The following ZMIZ1 variants were observed in gnomAD, a reference collection of about 807,000 sequenced individuals.
ZMIZ1 encodes the protein zinc finger MIZ-type containing 1.
In ZMIZ1, 17 loss-of-function variants were observed where a neutral mutation model predicts 113.9. The observed-to-expected ratio is 0.15, with a 90% CI of 0.10 to 0.22. The LOEUF is 0.22. ZMIZ1 is among the 10% of genes least tolerant of loss of function. ZMIZ1 has a pLI of 1.00. For synonymous variants in ZMIZ1, 607 were observed against 603.1 expected (o/e 1.01, Z -0.09); for missense variants, 1,059 against 1,477.8 (o/e 0.72, Z 4.65).
chr10:79,164,077 A>G (rs1033788574), intron 4 of ZMIZ1, among the ~76,000 whole-genome samples: 20 of 152,326 alleles, frequency 1.3e-4, no homozygotes, highest in African/African-American at 4.3e-4. Context: ...AAAAGAAAAG[A>G]AAACCACTCT....
At chr10:79,108,381 T>C (rs756591622) in intron 1 of ZMIZ1, among the ~76,000 whole-genome samples, 11 of 152,188 alleles carry the variant, frequency 7.2e-5, no homozygotes, top group Non-Finnish European at 1.5e-4. Flanking sequence ...GCAGTGTTAC[T>C]GTCTGGGAAT....
intron 4 of ZMIZ1, among the ~76,000 whole-genome samples, chr10:79,171,899 GC>G (rs1264505972): frequency 1.3e-5 from 2 of 152,202 alleles, no homozygotes; most frequent in Admixed American, 6.5e-5. Context: ...TATTGAGGCA[GC>G]CACAGGCTCA....
intron 7 of ZMIZ1, among the ~76,000 whole-genome samples, chr10:79,243,209 C>T (rs1849958335): frequency 6.6e-6 from 1 of 151,028 alleles, no homozygotes. Flanking sequence ...CCGCAGGGTC[C>T]GCGAGCGCGG....
At chr10:79,269,435 C>T (rs1325759690) in intron 7 of ZMIZ1, among the ~76,000 whole-genome samples, 4 of 144,238 alleles carry the variant, frequency 2.8e-5, no homozygotes, top group African/African-American at 1.0e-4. Context: ...CTCAGAAGCA[C>T]CCCTCCCAAC....
chr10:79,224,509 G>A (rs1589445863), intron 7 of ZMIZ1, among the ~76,000 whole-genome samples: 1 of 152,096 alleles, frequency 6.6e-6, no homozygotes, highest in East Asian at 1.9e-4. Flanking sequence ...CAGAGCGGGG[G>A]TGTACACAAG....
At chr10:79,147,414 T>G (rs1201894928) in intron 3 of ZMIZ1, among the ~76,000 whole-genome samples, 1 of 152,146 alleles carries the variant, frequency 6.6e-6, no homozygotes, top group Non-Finnish European at 1.5e-5. Context: ...AACCACCATG[T>G]GTATGGCCCC....
chr10:79,140,043 C>T (rs558946657), intron 3 of ZMIZ1, among the ~76,000 whole-genome samples: 41 of 152,332 alleles, frequency 2.7e-4, no homozygotes, highest in African/African-American at 9.9e-4. Flanking sequence ...CCTCAGTTCT[C>T]AAGGATTCTG....
At chr10:79,298,332 G>A (rs1854046785) in intron 14 of ZMIZ1, 74 bp from the exon 15 acceptor site, 1 of 1,509,846 alleles carries the variant, frequency 6.6e-7, no homozygotes, top group African/African-American at 1.4e-5. Context: ...GATGAGTGCG[G>A]TGTATGTCCA....
Position 79,307,518 on chromosome 10 carries a change from C to T in ZMIZ1, c.2782C>T (p.Pro928Ser). The change falls in exon 23 of 25, where the codon CCC becomes TCC. Residue 928 changes from proline to serine, a missense_variant. By Grantham distance (74) the Pro-to-Ser change is moderately conservative. This residue lies in a region of ZMIZ1 where 225 missense variants were observed against 276.0 expected (regional missense o/e 0.82). Transcript: ENST00000334512. ...CCAGCTCTCCCACCCCCCGGACATG[C>T]CCAACAACATGGCCGCCCTCGAGAA... The part of the protein sequence containing the change: ...PPQLSHPPDM[P>S]NNMAALEKPL... 1 of 1,595,176 alleles carries T rather than the reference C, an allele frequency of 6.3e-7. No individual in the cohort carries two copies.
chr10:79,291,397 C>T lies in ZMIZ1; in HGVS notation c.758+221C>T, dbSNP rs752559208. Among the ~76,000 whole-genome samples, 18 of 152,346 alleles carry T rather than the reference C, an allele frequency of 1.2e-4. No individual in the cohort carries two copies. The South Asian group carries it at 1.2e-3, about 11-fold the overall frequency. On this transcript the variant is annotated intron_variant, in intron 10 of 24. Transcript: ENST00000334512. ...CCTGTGTTCTGACAGTCGTCAGACT[C>T]GTAGAAATAGAGAGGTGACATTCTT...
chr10:79,084,776 G>C (rs1295423742), intron 1 of ZMIZ1, among the ~76,000 whole-genome samples: 1 of 151,894 alleles, frequency 6.6e-6, no homozygotes, highest in Non-Finnish European at 1.5e-5. Flanking sequence ...AGAATCCTAG[G>C]GTCAGCGGCT....
chr10:79,232,129 G>A (rs1849418096), intron 7 of ZMIZ1, among the ~76,000 whole-genome samples: 1 of 152,204 alleles, frequency 6.6e-6, no homozygotes, highest in Non-Finnish European at 1.5e-5. Flanking sequence ...ATCCTCAGCT[G>A]TTGCATCAGG....
At chr10:79,286,198 G>A (rs930909995) in intron 8 of ZMIZ1, among the ~76,000 whole-genome samples, 2 of 152,226 alleles carry the variant, frequency 1.3e-5, no homozygotes, top group African/African-American at 4.8e-5. Context: ...AGAGAAGAAG[G>A]GCTCTCAGGC....
intron 6 of ZMIZ1, among the ~76,000 whole-genome samples, chr10:79,209,638 C>T (rs531783418): frequency 5.9e-5 from 9 of 152,364 alleles, no homozygotes; most frequent in Admixed American, 3.9e-4. Flanking sequence ...ATGGCCTTGG[C>T]CTGGAGAGGA....
chr10:79,072,422 C>G (rs991306124), intron 1 of ZMIZ1, among the ~76,000 whole-genome samples: 4 of 152,198 alleles, frequency 2.6e-5, no homozygotes, highest in African/African-American at 9.6e-5. Flanking sequence ...GAGCTGCAGA[C>G]TTCACTTTTT....
intron 3 of ZMIZ1, among the ~76,000 whole-genome samples, chr10:79,157,557 C>T (rs371685064): frequency 6.6e-6 from 1 of 152,210 alleles, no homozygotes. Context: ...ATGTCCAGAG[C>T]ACCCTGGAGC....
chr10:79,305,039 G>C, intron 19 of ZMIZ1, 125 bp from the exon 20 acceptor site: 1 of 1,059,884 alleles, frequency 9.4e-7, no homozygotes, highest in Admixed American at 1.9e-5. Flanking sequence ...CCCAGCCCCA[G>C]CCCGGGGTTT....
chr10:79,183,722 G>A (rs1050501371), intron 4 of ZMIZ1, among the ~76,000 whole-genome samples: 1 of 152,170 alleles, frequency 6.6e-6, no homozygotes, highest in African/African-American at 2.4e-5. Context: ...TAATTATATC[G>A]TGTACTATGT....
At chr10:79,152,219 C>G (rs941801462) in intron 3 of ZMIZ1, among the ~76,000 whole-genome samples, 1 of 152,208 alleles carries the variant, frequency 6.6e-6, no homozygotes, top group Non-Finnish European at 1.5e-5. Flanking sequence ...GATAGCCCAG[C>G]CCAGTACAGT....
Sources: allele counts gnomAD v4.1 joint callset (sites outside exome capture counted in the v4.1 genomes callset), GRCh38; gene constraint gnomAD v4.1.1; regional missense constraint gnomAD v4.1.1; transcripts MANE v1.5; gene names NCBI Gene and HGNC (gene_info 2026-07-23, HGNC 2026-07-21).